DDX4: variants seen among roughly 807,000 people sequenced by gnomAD.
The protein encoded by DDX4 is DEAD-box helicase 4, also known as probable ATP-dependent RNA helicase DDX4.
In DDX4, 25 loss-of-function variants were observed where a neutral mutation model predicts 100.0. The ratio of observed to expected loss-of-function variants is 0.25; its 90% CI spans 0.18 to 0.35. The LOEUF is 0.35. DDX4 is among the 10% of genes least tolerant of loss of function. The pLI, the probability that DDX4 is intolerant of heterozygous loss-of-function variation, is 1.00. For missense variants in DDX4, 635 were observed against 882.4 expected (o/e 0.72, Z 3.55); for synonymous variants, 259 against 275.7 (o/e 0.94, Z 0.60).
rs1308290784 is a variant in DDX4 at position 55,816,650 on chromosome 5, T to G, written c.*110T>G. On this transcript the variant is annotated 3_prime_UTR_variant, in exon 22 of 22. Transcript: ENST00000505374. ...TTAACATTCTCATAGCTCCTGTCCT[T>G]GTATTCTCACTCCTACACTTAAAAA... 1 of 1,500,488 alleles carries G rather than the reference T, an allele frequency of 6.7e-7. No homozygotes were observed. Among genetic ancestry groups the G allele is most frequent in the African/African-American group, 1.4e-5 (1 of 70,842 alleles). 92.9% of individuals were successfully genotyped at this position (1,500,488 alleles called of 1,614,324 possible).
Position 55,798,414 on chromosome 5 carries a change from T to C in DDX4, c.1470-12T>C, listed in dbSNP as rs529427553. ...GGAGGATAAGTTAAAGAATAATCTTTTGTTTTTCAAGGTTGGCTGCAGAGT... is the reference window on the plus strand; with the variant it reads ...GGAGGATAAGTTAAAGAATAATCTTCTGTTTTTCAAGGTTGGCTGCAGAGT... On this transcript the variant is annotated splice_polypyrimidine_tract_variant and intron_variant, in intron 17 of 21. Transcript: ENST00000505374. The C allele has an allele frequency of 9.3e-6, 15 of 1,608,128 alleles. No homozygotes were observed. The East Asian group carries it at 2.0e-4, about 22-fold the overall frequency.
intron 3 of DDX4, among the ~76,000 whole-genome samples, chr5:55,758,783 A>G (rs993908646): frequency 6.9e-6 from 1 of 145,658 alleles, no homozygotes; most frequent in Non-Finnish European, 1.5e-5. Context: ...GTCCTCTAGT[A>G]GTTGGTTACC....
intron 17 of DDX4, among the ~76,000 whole-genome samples, chr5:55,796,123 T>A (rs1742916641): frequency 6.6e-6 from 1 of 152,136 alleles, no homozygotes. Flanking sequence ...GCAGGCAAAG[T>A]TATCCCACCT....
At chr5:55,771,040 A>G (rs1580548770) in intron 7 of DDX4, among the ~76,000 whole-genome samples, 1 of 152,218 alleles carries the variant, frequency 6.6e-6, no homozygotes, top group African/African-American at 2.4e-5. Flanking sequence ...GCCATTTTGC[A>G]GGGTATCCCT....
At chr5:55,793,495 GT>G (rs529823838) in intron 17 of DDX4, among the ~76,000 whole-genome samples, 205 of 152,324 alleles carry the variant, frequency 1.3e-3, no homozygotes, top group African/African-American at 4.8e-3. Context: ...TGTTAACCCT[GT>G]TGTAAGTTGG....
At chr5:55,746,578 C>T (rs1296575921) in intron 3 of DDX4, among the ~76,000 whole-genome samples, 4 of 152,186 alleles carry the variant, frequency 2.6e-5, no homozygotes, top group African/African-American at 9.7e-5. Flanking sequence ...TGGTGATGAC[C>T]TGTCAGGATA....
chr5:55,744,903 A>G (rs1759172531), intron 2 of DDX4, among the ~76,000 whole-genome samples: 1 of 151,766 alleles, frequency 6.6e-6, no homozygotes, highest in Admixed American at 6.6e-5. Context: ...GGTGTGAGAC[A>G]GTGTTTTGCT....
chr5:55,804,883 G>A (rs1372668545), intron 18 of DDX4, among the ~76,000 whole-genome samples: 2 of 152,016 alleles, frequency 1.3e-5, no homozygotes, highest in African/African-American at 4.8e-5. Flanking sequence ...GCTTGATGGG[G>A]ATGGCATTGA....
At position 55,767,913 on chromosome 5, in the gene DDX4, C is replaced by T. The variant is rs374972771; in HGVS notation, c.367C>T (p.Arg123Trp). 7.9e-5 allele frequency: 128 copies of T among 1,613,736 alleles called. 1 individual carries two copies. The South Asian group carries it at 9.1e-4, about 11-fold the overall frequency. Residue 123 changes from arginine (R) to tryptophan (W), a missense_variant, in exon 7 of 22, where the codon CGG (arginine) becomes TGG (tryptophan). Physicochemically the swap from Arg to Trp is moderately radical, Grantham distance 101. Coordinates refer to ENST00000505374, the MANE Select transcript of DDX4 (RefSeq NM_024415.3). ...TAATGACTGCGAAGATAATCCAACA[C>T]GGAACAGAGGGTTTTCCAAGAGAGG... ...SSNDCEDNPT[R>W]NRGFSKRGGY... is the part of the protein sequence containing the mutation.
chr5:55,800,515 A>G (rs796952888), intron 18 of DDX4, among the ~76,000 whole-genome samples: 18 of 152,152 alleles, frequency 1.2e-4, no homozygotes, highest in African/African-American at 4.1e-4. Context: ...TAGTAAAGAC[A>G]GGGTTTCACC....
intron 7 of DDX4, among the ~76,000 whole-genome samples, chr5:55,773,970 G>A (rs1195830883): frequency 6.6e-6 from 1 of 152,076 alleles, no homozygotes; most frequent in East Asian, 1.9e-4. Flanking sequence ...GTGATGTTGA[G>A]CAGCTTTTCA....
Position 55,742,854 on chromosome 5 carries a change from TA to T in DDX4, c.70-3304del, listed in dbSNP as rs1309103434. Among the ~76,000 whole-genome samples the T allele has an allele frequency of 2.0e-5, 3 of 152,286 alleles. No individual in the cohort carries two copies. The East Asian group carries it at 5.8e-4, about 29-fold the overall frequency. ...CAAATAATTATAGTGAAAAGTACTA[TA>T]AAAAATTAGAGAAATGTGTGTGTGA... is the stretch of plus-strand genomic sequence containing the variant. On this transcript the variant is annotated intron_variant, in intron 2 of 21. Transcript: ENST00000505374.
At chr5:55,753,211 G>A (rs1759681685) in intron 3 of DDX4, among the ~76,000 whole-genome samples, 1 of 152,122 alleles carries the variant, frequency 6.6e-6, no homozygotes, top group Admixed American at 6.5e-5. Flanking sequence ...TGTCAATTTT[G>A]TCTTTTGTTG....
intron 18 of DDX4, among the ~76,000 whole-genome samples, chr5:55,802,543 A>C (rs1329530833): frequency 6.6e-6 from 1 of 152,208 alleles, no homozygotes; most frequent in Non-Finnish European, 1.5e-5. Flanking sequence ...TTCTAGAAGG[A>C]CTAGTCCTGG....
chr5:55,770,035 G>C (rs901113312), intron 7 of DDX4, among the ~76,000 whole-genome samples: 2 of 151,832 alleles, frequency 1.3e-5, no homozygotes, highest in East Asian at 1.9e-4. Flanking sequence ...GCCTGGCTAA[G>C]TTTTGTATTT....
At chr5:55,779,806 C>T (rs989348443) in intron 7 of DDX4, among the ~76,000 whole-genome samples, 158 bp from the exon 8 acceptor site, 1 of 152,118 alleles carries the variant, frequency 6.6e-6, no homozygotes, top group Non-Finnish European at 1.5e-5. Context: ...AAATTGAACA[C>T]TTAATAGGTC....
chr5:55,789,221 A>G (rs1406718062), intron 15 of DDX4, among the ~76,000 whole-genome samples: 1 of 152,212 alleles, frequency 6.6e-6, no homozygotes, highest in African/African-American at 2.4e-5. Flanking sequence ...CCCTTTGCCA[A>G]CATTTAGTTA....
intron 9 of DDX4, 99 bp from the exon 10 acceptor site, chr5:55,781,835 C>A: frequency 7.5e-7 from 1 of 1,337,872 alleles, no homozygotes; most frequent in Non-Finnish European, 1.0e-6. Context: ...ACCAGGATTC[C>A]TAAGTAATAA....
At chr5:55,763,557 TA>T (rs889460744) in intron 5 of DDX4, among the ~76,000 whole-genome samples, 4 of 152,082 alleles carry the variant, frequency 2.6e-5, no homozygotes, top group Admixed American at 2.0e-4. Flanking sequence ...GACGACTTTT[TA>T]AAAAAGAGTA....
Sources: allele counts gnomAD v4.1 joint callset (sites outside exome capture counted in the v4.1 genomes callset), GRCh38; gene constraint gnomAD v4.1.1; transcripts MANE v1.5; gene names NCBI Gene and HGNC (gene_info 2026-07-23, HGNC 2026-07-21).